The following ADAM10 variants were observed in gnomAD, a reference collection of about 807,000 sequenced individuals.
The protein encoded by ADAM10 is ADAM metallopeptidase domain 10, also known as disintegrin and metalloproteinase domain-containing protein 10.
A neutral mutation model predicts 90.1 loss-of-function variants in ADAM10; 17 were observed. The ratio of observed to expected loss-of-function variants is 0.19; its 90% CI spans 0.13 to 0.28. ADAM10 has a LOEUF of 0.28. Among genes scored for constraint, ADAM10 ranks in the 10% least tolerant of loss-of-function variants. The probability of loss-of-function intolerance (pLI) is 1.00; values close to 1 mark genes in which losing one functional copy is unlikely to be tolerated. For missense variants in ADAM10, 610 were observed against 914.3 expected (o/e 0.67, Z 4.29); for synonymous variants, 310 against 298.6 (o/e 1.04, Z -0.40).
chr15:58,606,064 C>T (rs1269115786), intron 14 of ADAM10, among the ~76,000 whole-genome samples: 3 of 152,090 alleles, frequency 2.0e-5, no homozygotes, highest in Non-Finnish European at 4.4e-5. Context: ...CCATATGATC[C>T]TTTCAATGAA....
chr15:58,696,551 C>T (rs1443842777), intron 2 of ADAM10, among the ~76,000 whole-genome samples: 6 of 151,648 alleles, frequency 4.0e-5, no homozygotes, highest in Admixed American at 1.3e-4. Flanking sequence ...CCGCAACCTC[C>T]GCCTCCCAGG....
intron 2 of ADAM10, chr15:58,692,328 AGGGTT>A: frequency 1.6e-6 from 1 of 606,504 alleles, no homozygotes; most frequent in Non-Finnish European, 3.3e-6. Context: ...TGATGTCATC[AGGGTT>A]TCTGGTCCAA....
At chr15:58,695,150 G>A (rs535468165) in intron 2 of ADAM10, among the ~76,000 whole-genome samples, 6 of 152,078 alleles carry the variant, frequency 3.9e-5, no homozygotes, top group African/African-American at 1.4e-4. Flanking sequence ...TTTAGTTTGA[G>A]GCTGTACTCA....
chr15:58,648,123 A>G (rs1391539904), intron 5 of ADAM10, among the ~76,000 whole-genome samples: 1 of 152,234 alleles, frequency 6.6e-6, no homozygotes, highest in Non-Finnish European at 1.5e-5. Context: ...TTGCTTCACT[A>G]TAGTAACCAT....
chr15:58,741,634 T>C (rs748299367), intron 1 of ADAM10, among the ~76,000 whole-genome samples: 15 of 152,242 alleles, frequency 9.9e-5, no homozygotes, highest in Non-Finnish European at 1.6e-4. Flanking sequence ...CAGCCTAATA[T>C]TTAAATTCAA....
chr15:58,687,005 T>C (rs1196281141), intron 2 of ADAM10, among the ~76,000 whole-genome samples: 2 of 152,252 alleles, frequency 1.3e-5, no homozygotes, highest in Non-Finnish European at 2.9e-5. Context: ...TTTGTTTATT[T>C]AAACAATCGA....
intron 2 of ADAM10, among the ~76,000 whole-genome samples, chr15:58,706,127 T>A (rs536587084): frequency 2.0e-5 from 3 of 152,184 alleles, no homozygotes; most frequent in Non-Finnish European, 4.4e-5. Flanking sequence ...ATGGTTCTAA[T>A]ACTCAGAAGA....
intron 1 of ADAM10, among the ~76,000 whole-genome samples, chr15:58,719,415 C>T (rs1392716522): frequency 6.6e-6 from 1 of 151,896 alleles, no homozygotes; most frequent in Non-Finnish European, 1.5e-5. Context: ...ATTTCTCCAT[C>T]TTCAAGAGAA....
intron 1 of ADAM10, among the ~76,000 whole-genome samples, chr15:58,728,168 G>C (rs1899103748): frequency 6.6e-6 from 1 of 152,132 alleles, no homozygotes; most frequent in Non-Finnish European, 1.5e-5. Context: ...GGAGAATTAA[G>C]CCAATAACAG....
intron 1 of ADAM10, chr15:58,732,708 CAAAA>C (rs35121031): frequency 4.6e-5 from 4 of 87,010 alleles, no homozygotes; most frequent in Non-Finnish European, 7.5e-5. Context: ...GACTCCATCT[CAAAA>C]AAAAAAAAAA....
intron 5 of ADAM10, among the ~76,000 whole-genome samples, chr15:58,656,794 A>G (rs1896839989): frequency 6.6e-6 from 1 of 152,156 alleles, no homozygotes; most frequent in African/African-American, 2.4e-5. Flanking sequence ...TGAGTTTTGT[A>G]CCATCATATA....
chr15:58,745,387 T>C (rs1332362749), intron 1 of ADAM10, among the ~76,000 whole-genome samples: 1 of 152,228 alleles, frequency 6.6e-6, no homozygotes, highest in East Asian at 1.9e-4. Flanking sequence ...CAACTAATTT[T>C]TTCTGTGGTT....
intron 1 of ADAM10, among the ~76,000 whole-genome samples, chr15:58,720,356 C>T (rs1898805936): frequency 6.6e-6 from 1 of 151,720 alleles, no homozygotes; most frequent in Non-Finnish European, 1.5e-5. Context: ...TAATAAAACC[C>T]ACTAGCATGA....
At chr15:58,655,127 T>C (rs1268686251) in intron 5 of ADAM10, 3 of 151,660 alleles carry the variant, frequency 2.0e-5, no homozygotes, top group African/African-American at 4.8e-5. Context: ...TTGAAGTCTA[T>C]CTCTCTCTCT....
At chr15:58,652,333 GGAGTTTCT>G in intron 5 of ADAM10, among the ~76,000 whole-genome samples, 1 of 152,104 alleles carries the variant, frequency 6.6e-6, no homozygotes, top group East Asian at 1.9e-4. Context: ...ATGAAAGTGG[GGAGTTTCT>G]TCAACGTTTT....
chr15:58,686,745 T>C (rs1485955000), intron 2 of ADAM10: 1 of 581,678 alleles, frequency 1.7e-6, no homozygotes, highest in Non-Finnish European at 3.1e-6. Context: ...TGTGGCCCCG[T>C]CCTATAGCCA....
At chr15:58,647,637 C>T (rs1303052927) in intron 5 of ADAM10, among the ~76,000 whole-genome samples, 2 of 152,118 alleles carry the variant, frequency 1.3e-5, no homozygotes, top group African/African-American at 4.8e-5. Flanking sequence ...CAGCCTTAAA[C>T]TCCTGGGCTC....
At chr15:58,661,677 T>C (rs1896970481) in intron 5 of ADAM10, among the ~76,000 whole-genome samples, 1 of 152,192 alleles carries the variant, frequency 6.6e-6, no homozygotes, top group African/African-American at 2.4e-5. Context: ...TCTTGGACCA[T>C]GAATTGAAAT....
At chr15:58,605,945 G>C (rs1376876933) in intron 14 of ADAM10, among the ~76,000 whole-genome samples, 2 of 151,924 alleles carry the variant, frequency 1.3e-5, no homozygotes, top group Non-Finnish European at 2.9e-5. Flanking sequence ...AAATGACAAA[G>C]CAAGTATCAT....
Sources: gnomAD v4.1 joint callset for allele counts (sites outside exome capture counted in the v4.1 genomes callset) on GRCh38, gnomAD v4.1.1 for gene constraint, MANE v1.5 for transcripts, NCBI Gene and HGNC (gene_info 2026-07-23, HGNC 2026-07-21) for gene names.